Variants in MBTD1 observed in about 807,000 individuals in gnomAD.
MBTD1 encodes mbt domain containing 1, also known as MBT domain-containing protein 1.
Under a neutral mutation model 87.8 loss-of-function variants are expected in MBTD1, and 24 were observed. The observed-to-expected ratio is 0.27, with a 90% CI of 0.20 to 0.38. The LOEUF (loss-of-function observed/expected upper bound fraction) is 0.38. MBTD1 is among the 10% of genes least tolerant of loss of function. MBTD1 has a pLI of 1.00. For missense variants in MBTD1, 436 were observed against 760.2 expected, an observed-to-expected ratio of 0.57 and a Z score of 5.02; for synonymous variants, 237 against 248.6, an observed-to-expected ratio of 0.95 and a Z score of 0.44.
At chr17:51,205,884 A>G (rs73353605) in intron 7 of MBTD1, among the ~76,000 whole-genome samples, 2,460 of 152,300 alleles carry the variant, frequency 0.016, 69 homozygotes, top group African/African-American at 0.056. Context: ...TGTTTTGAGG[A>G]GAATGCCGGA....
intron 2 of MBTD1, among the ~76,000 whole-genome samples, chr17:51,233,829 T>C (rs983152339): frequency 1.3e-5 from 2 of 152,130 alleles, no homozygotes; most frequent in African/African-American, 4.8e-5. Flanking sequence ...TTCGGCACTA[T>C]GCTACACAAA....
chr17:51,260,903 C>A (rs535265870), upstream of MBTD1: 1 of 1,590,732 alleles, frequency 6.3e-7, no homozygotes. Context: ...GGACGCGTTG[C>A]TGCGGCGTCT....
chr17:51,235,145 TTTTC>T (rs1203033538), intron 2 of MBTD1, among the ~76,000 whole-genome samples: 1 of 151,892 alleles, frequency 6.6e-6, no homozygotes. Flanking sequence ...GCAATTTTTT[TTTTC>T]TTTTGAGACA....
At chr17:51,197,047 T>TATAC (rs2051158526) in intron 12 of MBTD1, among the ~76,000 whole-genome samples, 1 of 396 alleles carries the variant, frequency 2.5e-3, no homozygotes, top group Non-Finnish European at 0.012. Flanking sequence ...ACAAGATATA[T>TATAC]ATATATATAT....
rs755122125 is a variant in MBTD1 at position 51,202,954 on chromosome 17, A to G, written c.829-19T>C. Reference sequence around the variant, plus strand: ...CTGAAACCTTAAAAGCATACAAAAAAAACTGCTCGAAATTCATGACAAAGG... The same window carrying G: ...CTGAAACCTTAAAAGCATACAAAAAGAACTGCTCGAAATTCATGACAAAGG... On this transcript the variant is annotated intron_variant, in intron 9 of 16. Coordinates refer to ENST00000586178, the MANE Select transcript of MBTD1 (RefSeq NM_017643.3). The G allele has an allele frequency of 3.5e-5, 55 of 1,578,172 alleles. No individual in the cohort carries two copies. The highest frequency in any genetic ancestry group is 3.4e-4 in the East Asian group (15 of 44,728).
chr17:51,225,142 C>G lies in MBTD1; in HGVS notation c.20G>C (p.Ser7Thr). 1.3e-6 allele frequency: 2 copies of G among 1,547,604 alleles called. No homozygotes were observed. Among genetic ancestry groups the G allele is most frequent in the Non-Finnish European group, 1.7e-6 (2 of 1,145,648 alleles). MFDGYD[S>T]CSEDTSSSSS... ...GCTGCTGCTTGTGTCCTCACTGCAG[C>G]TATCATAACCGTCAAACATCCCGAA... The change falls in exon 3 of 17, where the codon AGC becomes ACC. Residue 7 changes from serine to threonine, a missense_variant. Ser to Thr is a moderately conservative substitution (Grantham distance 58). Around this residue, in one of 5 missense-constraint regions of MBTD1, gnomAD observed 38 missense variants for 33.8 expected, o/e 1.12. Coordinates refer to ENST00000586178, the MANE Select transcript of MBTD1 (RefSeq NM_017643.3).
intron 12 of MBTD1, among the ~76,000 whole-genome samples, chr17:51,199,709 AT>A (rs758377863): frequency 6.6e-6 from 1 of 151,892 alleles, no homozygotes; most frequent in Non-Finnish European, 1.5e-5. Flanking sequence ...TTTAAATCTT[AT>A]TGGGTCATTC....
At chr17:51,182,576 C>A (rs2050364639) in intron 16 of MBTD1, among the ~76,000 whole-genome samples, 1 of 152,196 alleles carries the variant, frequency 6.6e-6, no homozygotes, top group Non-Finnish European at 1.5e-5. Context: ...TGGCTACTTA[C>A]TACCCCCTGA....
chr17:51,257,639 G>C (rs1021790471), intron 2 of MBTD1, among the ~76,000 whole-genome samples: 1 of 152,146 alleles, frequency 6.6e-6, no homozygotes. Flanking sequence ...TTCCTGTCTA[G>C]TATGTTTAGA....
intron 2 of MBTD1, among the ~76,000 whole-genome samples, chr17:51,257,606 C>T (rs1299648467): frequency 2.6e-5 from 4 of 152,060 alleles, no homozygotes; most frequent in African/African-American, 4.8e-5. Context: ...AATATGGCAG[C>T]GTCTTAAAAA....
At chr17:51,196,959 T>C (rs2051143621) in intron 12 of MBTD1, among the ~76,000 whole-genome samples, 3 of 149,588 alleles carry the variant, frequency 2.0e-5, no homozygotes, top group Non-Finnish European at 3.0e-5. Context: ...TAAACTCTAT[T>C]CACCCAGACA....
At chr17:51,247,514 T>C (rs181965389) in intron 2 of MBTD1, among the ~76,000 whole-genome samples, 1 of 150,862 alleles carries the variant, frequency 6.6e-6, no homozygotes, top group African/African-American at 2.5e-5. Flanking sequence ...CAGCACGATC[T>C]TGGCTCCCTG....
intron 16 of MBTD1, 123 bp downstream of exon 16, chr17:51,192,080 A>T: frequency 1.3e-6 from 1 of 746,638 alleles, no homozygotes; most frequent in Non-Finnish European, 2.3e-6. Context: ...CTGCACCTTT[A>T]AGCATAATAC....
chr17:51,207,629 T>G (rs1267563560), intron 6 of MBTD1, among the ~76,000 whole-genome samples: 1 of 152,152 alleles, frequency 6.6e-6, no homozygotes, highest in Non-Finnish European at 1.5e-5. Context: ...GAAATTACTA[T>G]AAAGAGAAAA....
In MBTD1 at chr17:51,259,858, G is replaced by T; in HGVS notation, c.-136C>A. On this transcript the variant is annotated 5_prime_UTR_variant, in exon 1 of 17. In the 5' UTR this introduces an upstream ATG that the reference lacks. Coordinates refer to ENST00000586178, the MANE Select transcript of MBTD1 (RefSeq NM_017643.3). ...ACCAGATCCTTTGTGTTTTCCATCA[G>T]GGCCTCATGGGTAGGGGTTGTCCGT... is the stretch of plus-strand genomic sequence containing the variant. 1.6e-6 allele frequency: 2 copies of T among 1,231,956 alleles called. No homozygotes were observed. Among genetic ancestry groups the T allele is most frequent in the Non-Finnish European group, 2.0e-6 (2 of 987,878 alleles). The allele number at this position is 1,231,956 out of a possible 1,614,324, so 76.3% of individuals were successfully genotyped here. A position where few individuals can be genotyped will look rare whatever the true frequency, so the allele number is the denominator to read the frequency against.
chr17:51,206,975 A>G lies in MBTD1; in HGVS notation c.517T>C (p.Ser173Pro). 1 of 1,613,500 alleles carries G rather than the reference A, an allele frequency of 6.2e-7. No individual in the cohort carries two copies. Among genetic ancestry groups the G allele is most frequent in the Non-Finnish European group, 8.5e-7 (1 of 1,179,462 alleles). ...GGAACTTCTACTCTCACATTTTCTG[A>G]GATATCACCCCAGCAGGTCCCCATA... Reference protein sequence around the residue: ...APMGTCWGDISENVRVEVPNT... With the variant: ...APMGTCWGDIPENVRVEVPNT... Residue 173 changes from serine to proline, a missense_variant, in exon 7 of 17, where the codon TCA (serine) becomes CCA (proline). By Grantham distance (74) the Ser-to-Pro change is moderately conservative (BLOSUM62 -1). Around this residue, in one of 5 missense-constraint regions of MBTD1, gnomAD observed 268 missense variants for 401.8 expected, o/e 0.67. Coordinates refer to ENST00000586178, the MANE Select transcript of MBTD1 (RefSeq NM_017643.3).
chr17:51,208,049 T>C (rs1196196489), intron 6 of MBTD1, among the ~76,000 whole-genome samples: 5 of 152,226 alleles, frequency 3.3e-5, no homozygotes, highest in Admixed American at 6.5e-5. Context: ...AGGAGTTACA[T>C]GAACTAGCCA....
intron 16 of MBTD1, chr17:51,191,939 A>G: frequency 2.5e-6 from 1 of 400,860 alleles, no homozygotes; most frequent in Admixed American, 4.6e-5. Context: ...TAGGTTTTAC[A>G]TATTATTTCA....
intron 6 of MBTD1, among the ~76,000 whole-genome samples, chr17:51,215,013 T>C (rs1397218197): frequency 6.6e-6 from 1 of 152,182 alleles, no homozygotes; most frequent in Non-Finnish European, 1.5e-5. Context: ...CTTAACAAAA[T>C]GGCTTCAAAT....
Sources: gnomAD v4.1 joint callset for allele counts (sites outside exome capture counted in the v4.1 genomes callset) on GRCh38, gnomAD v4.1.1 for gene constraint, gnomAD v4.1.1 regional missense constraint, MANE v1.5 for transcripts, NCBI Gene and HGNC (gene_info 2026-07-23, HGNC 2026-07-21) for gene names.